PCDH15: variants seen among roughly 807,000 people sequenced by gnomAD.
PCDH15 encodes protocadherin-15.
Under a neutral mutation model 178.5 loss-of-function variants are expected in PCDH15, and 129 were observed. That is an observed-to-expected ratio of 0.72 (90% CI 0.63 to 0.84). The LOEUF is 0.84. Among genes scored for constraint, PCDH15 ranks in the 40% least tolerant of loss-of-function variants. PCDH15 has a pLI of 0.00. For missense variants in PCDH15, 2,230 were observed against 2,099.9 expected, an observed-to-expected ratio of 1.06 and a Z score of -1.21; for synonymous variants, 800 against 732.0, an observed-to-expected ratio of 1.09 and a Z score of -1.50.
At chr10:54,363,592 A>G (rs1183004824) in intron 5 of PCDH15, among the ~76,000 whole-genome samples, 1 of 152,166 alleles carries the variant, frequency 6.6e-6, no homozygotes, top group East Asian at 1.9e-4. Context: ...TTTTTGATAT[A>G]CACATGCTCT....
At chr10:55,236,945 T>A (rs1841400356) in intron 1 of PCDH15, among the ~76,000 whole-genome samples, 1 of 151,420 alleles carries the variant, frequency 6.6e-6, no homozygotes, top group Admixed American at 6.6e-5. Flanking sequence ...ATATAGTATT[T>A]CTATTCAAAA....
chr10:54,562,544 T>C (rs1362457666), intron 2 of PCDH15, among the ~76,000 whole-genome samples: 2 of 152,124 alleles, frequency 1.3e-5, no homozygotes, highest in East Asian at 1.9e-4. Context: ...CTCTTACATA[T>C]GAAATTAACT....
At chr10:53,898,984 G>T (rs1015464321) in intron 26 of PCDH15, among the ~76,000 whole-genome samples, 2 of 151,776 alleles carry the variant, frequency 1.3e-5, no homozygotes, top group African/African-American at 2.4e-5. Context: ...TTAACTCAGT[G>T]GTACAAACAG....
chr10:55,005,226 A>AATAATAATAATAATAATCATCATC (rs34847205), intron 2 of PCDH15, among the ~76,000 whole-genome samples: 8 of 146,522 alleles, frequency 5.5e-5, no homozygotes, highest in Non-Finnish European at 6.0e-5. Flanking sequence ...TAATAATAAT[A>AATAATAATAATAATAATCATCATC]ATCAATGGAG....
chr10:54,033,390 C>G (rs2093346692), intron 18 of PCDH15, among the ~76,000 whole-genome samples: 1 of 151,666 alleles, frequency 6.6e-6, no homozygotes, highest in Non-Finnish European at 1.5e-5. Context: ...GTTTTCTTGT[C>G]TCCCAAAACC....
chr10:54,240,206 G>T (rs1375578331), intron 8 of PCDH15, among the ~76,000 whole-genome samples: 1 of 151,530 alleles, frequency 6.6e-6, no homozygotes, highest in South Asian at 2.1e-4. Context: ...GAATAAGTGA[G>T]AATTTTACAG....
intron 3 of PCDH15, among the ~76,000 whole-genome samples, chr10:54,384,399 AGTT>A (rs1046816004): frequency 2.6e-5 from 4 of 151,466 alleles, no homozygotes; most frequent in African/African-American, 7.3e-5. Flanking sequence ...AACTGTAGAA[AGTT>A]GTTGTTGTTG....
At chr10:54,882,371 G>C (rs1397623441) in intron 3 of PCDH15, among the ~76,000 whole-genome samples, 4 of 151,936 alleles carry the variant, frequency 2.6e-5, no homozygotes, top group Admixed American at 1.3e-4. Flanking sequence ...GTCTCATAAA[G>C]TCGGAAAATG....
intron 2 of PCDH15, among the ~76,000 whole-genome samples, chr10:55,516,831 AT>A (rs960797420): frequency 4.8e-4 from 73 of 152,080 alleles, no homozygotes; most frequent in Non-Finnish European, 8.7e-4. Flanking sequence ...AAAATTTCAG[AT>A]TTTTTTTGTG....
chr10:54,661,539 T>A (rs989829177), intron 2 of PCDH15, among the ~76,000 whole-genome samples: 21 of 151,504 alleles, frequency 1.4e-4, no homozygotes, highest in Non-Finnish European at 1.5e-5. Context: ...ACTCATAAAA[T>A]TATAAAAAAA....
chr10:54,162,864 T>A (rs984360623), intron 13 of PCDH15, among the ~76,000 whole-genome samples: 1 of 152,188 alleles, frequency 6.6e-6, no homozygotes, highest in East Asian at 1.9e-4. Flanking sequence ...CATGTATAGA[T>A]ATGTATAAAA....
At chr10:55,334,758 T>A (rs1844333938) in intron 2 of PCDH15, among the ~76,000 whole-genome samples, 1 of 152,210 alleles carries the variant, frequency 6.6e-6, no homozygotes, top group African/African-American at 2.4e-5. Context: ...AAATCTAGAT[T>A]GTTATTTGGT....
intron 8 of PCDH15, among the ~76,000 whole-genome samples, chr10:54,271,717 C>T (rs2058059078): frequency 1.3e-5 from 2 of 152,146 alleles, no homozygotes; most frequent in Admixed American, 1.3e-4. Flanking sequence ...AATTCTTATA[C>T]TCACTATTTG....
At chr10:55,521,890 T>C (rs1310649261) in intron 2 of PCDH15, among the ~76,000 whole-genome samples, 1 of 151,918 alleles carries the variant, frequency 6.6e-6, no homozygotes, top group Non-Finnish European at 1.5e-5. Context: ...CTGGAGTTCA[T>C]TGCTACTACC....
chr10:54,603,588 T>C (rs2092631480), intron 2 of PCDH15, among the ~76,000 whole-genome samples: 1 of 151,756 alleles, frequency 6.6e-6, no homozygotes, highest in South Asian at 2.1e-4. Context: ...CCCCATGCCA[T>C]TAACCCCCAG....
intron 8 of PCDH15, among the ~76,000 whole-genome samples, chr10:54,249,628 G>A (rs1438968982): frequency 2.6e-5 from 4 of 152,020 alleles, no homozygotes; most frequent in Admixed American, 2.6e-4. Flanking sequence ...TTTTAGTGTT[G>A]TTTTTGACAT....
Position 54,056,717 on chromosome 10 carries a change from C to G in PCDH15, c.2220+10040G>C, listed in dbSNP as rs139613443. 4.7e-3 allele frequency among the ~76,000 whole-genome samples: 719 copies of G among 152,210 alleles called. 7 individuals are homozygous for G. Among genetic ancestry groups the G allele is most frequent in the Non-Finnish European group, 5.9e-3 (399 of 68,030 alleles). ...CCTCACATTTCAAAACCAATCATGCCTTCCAAAAGCCACCCAAAATCTTAA... is the reference window on the plus strand; with the variant it reads ...CCTCACATTTCAAAACCAATCATGCGTTCCAAAAGCCACCCAAAATCTTAA... On this transcript the variant is annotated intron_variant, in intron 18 of 37. Transcript: ENST00000644397.
chr10:55,484,195 G>A (rs558321748), intron 2 of PCDH15, among the ~76,000 whole-genome samples: 83 of 151,720 alleles, frequency 5.5e-4, no homozygotes, highest in African/African-American at 2.0e-3. Context: ...TGGGTACAAA[G>A]TTAATACCTG....
At chr10:54,959,642 G>A (rs1322117272) in intron 2 of PCDH15, among the ~76,000 whole-genome samples, 2 of 152,058 alleles carry the variant, frequency 1.3e-5, no homozygotes, top group African/African-American at 2.4e-5. Context: ...GAATTATTAA[G>A]TGATCTTTAA....
Sources: allele counts gnomAD v4.1 joint callset (sites outside exome capture counted in the v4.1 genomes callset), GRCh38; gene constraint gnomAD v4.1.1; transcripts MANE v1.5; gene names NCBI Gene and HGNC (gene_info 2026-07-23, HGNC 2026-07-21).